Variants in SAMD12 observed in about 807,000 individuals in gnomAD.
SAMD12 encodes the protein sterile alpha motif domain containing 12, also known as sterile alpha motif domain-containing protein 12.
A neutral mutation model predicts 15.0 loss-of-function variants in SAMD12; 9 were observed. That is an observed-to-expected ratio of 0.60 (90% confidence interval 0.36 to 1.05). SAMD12 has a LOEUF of 1.05. SAMD12 is among the 50% of genes least tolerant of loss of function. The pLI is 0.01. For missense variants in SAMD12, 230 were observed against 234.2 expected, an observed-to-expected ratio of 0.98 and a Z score of 0.12; for synonymous variants, 86 against 90.1, an observed-to-expected ratio of 0.96 and a Z score of 0.25.
At chr8:118,194,401 AG>A (rs1291025082) in exon 5 of SAMD12, 1 of 152,152 alleles carries the variant, frequency 6.6e-6, no homozygotes, top group Non-Finnish European at 1.5e-5. Flanking sequence ...CTCTTCCCCT[AG>A]GTACGTCTCA....
At chr8:118,145,240 T>A in the SAMD12 span, among the ~76,000 whole-genome samples, 2 of 152,134 alleles carry the variant, frequency 1.3e-5, no homozygotes, top group Non-Finnish European at 2.9e-5. Context: ...GGGATTATCC[T>A]AAGGGGTAAA....
At chr8:118,522,676 C>A (rs976918044) in intron 2 of SAMD12, among the ~76,000 whole-genome samples, 3 of 152,128 alleles carry the variant, frequency 2.0e-5, no homozygotes, top group Admixed American at 1.3e-4. Flanking sequence ...ATTTGTTACA[C>A]TGAGAAACAA....
the SAMD12 span, among the ~76,000 whole-genome samples, chr8:118,148,758 A>T: frequency 5.8e-4 from 88 of 152,346 alleles, no homozygotes; most frequent in African/African-American, 2.1e-3. Flanking sequence ...CTTTCTGGAC[A>T]TTCCATACAG....
intron 2 of SAMD12, among the ~76,000 whole-genome samples, chr8:118,448,713 T>A (rs1165144946): frequency 6.6e-6 from 1 of 152,154 alleles, no homozygotes; most frequent in Non-Finnish European, 1.5e-5. Context: ...GACCCTCAAT[T>A]TTTTTCTTTT....
intron 4 of SAMD12, among the ~76,000 whole-genome samples, chr8:118,275,374 T>C (rs1321173821): frequency 1.3e-5 from 2 of 152,192 alleles, no homozygotes; most frequent in Non-Finnish European, 1.5e-5. Flanking sequence ...ATTTGAATAA[T>C]AGGTAATTTT....
intron 2 of SAMD12, among the ~76,000 whole-genome samples, chr8:118,579,772 A>T (rs1195898570): frequency 1.3e-5 from 2 of 152,198 alleles, no homozygotes; most frequent in African/African-American, 4.8e-5. Context: ...ATTGTCTTGC[A>T]GGGAATACAC....
intron 2 of SAMD12, among the ~76,000 whole-genome samples, chr8:118,545,233 G>A (rs777287467): frequency 8.5e-5 from 13 of 152,184 alleles, no homozygotes; most frequent in South Asian, 2.1e-4. Context: ...CTGGGAGGCC[G>A]AAGTAGGTGG....
rs1823727865 is a variant in SAMD12, at chr8:118,469,551, T to TA, written c.193-29591dup. Among the ~76,000 whole-genome samples the TA allele has an allele frequency of 8.5e-3, 2 of 234 alleles. 1 individual carries two copies. The highest frequency in any genetic ancestry group is 0.12 in the Admixed American group (2 of 16). 0.2% of individuals were successfully genotyped at this position (234 alleles called of 152,430 possible). On this transcript the variant is annotated intron_variant, in intron 2 of 3. Transcript: ENST00000314727. ...ATATATTATATATATTATATTATTA[T>TA]ATATAATATATTATATATGTATTTT...
At chr8:118,318,355 T>TATATACAC (rs1554630371) in intron 4 of SAMD12, among the ~76,000 whole-genome samples, 5 of 110,836 alleles carry the variant, frequency 4.5e-5, no homozygotes, top group African/African-American at 1.6e-4. Flanking sequence ...TATATATATA[T>TATATACAC]ACATATATAC....
intron 3 of SAMD12, among the ~76,000 whole-genome samples, chr8:118,427,767 G>A (rs559192917): frequency 2.4e-4 from 36 of 152,236 alleles, no homozygotes; most frequent in East Asian, 1.7e-3. Context: ...AAGAACATAC[G>A]TTTCCATTTC....
At chr8:118,529,576 C>T (rs559162110) in intron 2 of SAMD12, among the ~76,000 whole-genome samples, 3 of 152,250 alleles carry the variant, frequency 2.0e-5, no homozygotes, top group African/African-American at 7.2e-5. Flanking sequence ...TTGCCAGTGT[C>T]TATTATTCCA....
chr8:118,481,862 C>A (rs578043265), intron 2 of SAMD12, among the ~76,000 whole-genome samples: 1 of 152,178 alleles, frequency 6.6e-6, no homozygotes, highest in Admixed American at 6.5e-5. Context: ...GGAAGTGAGA[C>A]CTGCAGTTCG....
chr8:118,405,264 T>G (rs1261772548), intron 3 of SAMD12, among the ~76,000 whole-genome samples: 1 of 152,152 alleles, frequency 6.6e-6, no homozygotes, highest in African/African-American at 2.4e-5. Flanking sequence ...CCAGAAGTCA[T>G]GTACAAGAAA....
At chr8:118,487,596 G>A (rs1218799207) in intron 2 of SAMD12, among the ~76,000 whole-genome samples, 5 of 152,222 alleles carry the variant, frequency 3.3e-5, no homozygotes, top group Non-Finnish European at 1.5e-5. Context: ...GTTTTATTGA[G>A]CCTTTAACCT....
At chr8:118,149,256 T>C in the SAMD12 span, among the ~76,000 whole-genome samples, 252 of 152,312 alleles carry the variant, frequency 1.7e-3, 2 homozygotes, top group African/African-American at 5.7e-3. Context: ...CATGAGCCCA[T>C]TAGCAGTTCA....
intron 2 of SAMD12, among the ~76,000 whole-genome samples, chr8:118,458,721 G>A (rs1823328984): frequency 6.6e-6 from 1 of 152,148 alleles, no homozygotes; most frequent in Non-Finnish European, 1.5e-5. Flanking sequence ...TGCAAGCAAG[G>A]TAATGCCAAC....
chr8:118,571,261 G>A (rs1266529298), intron 2 of SAMD12, among the ~76,000 whole-genome samples: 2 of 152,162 alleles, frequency 1.3e-5, no homozygotes, highest in East Asian at 1.9e-4. Flanking sequence ...AAGAAGGCAG[G>A]AAAATGTGGG....
intron 2 of SAMD12, among the ~76,000 whole-genome samples, chr8:118,545,159 AC>A (rs1805113442): frequency 6.6e-6 from 1 of 152,204 alleles, no homozygotes; most frequent in Non-Finnish European, 1.5e-5. Context: ...AAACATGCAC[AC>A]ATATATTTTA....
intron 2 of SAMD12, among the ~76,000 whole-genome samples, chr8:118,460,300 T>C (rs1330611922): frequency 2.0e-5 from 3 of 152,248 alleles, no homozygotes; most frequent in Non-Finnish European, 2.9e-5. Context: ...GGAAGGTTCA[T>C]TTATTCAATT....
Sources: gnomAD v4.1 joint callset for allele counts (sites outside exome capture counted in the v4.1 genomes callset) on GRCh38, gnomAD v4.1.1 for gene constraint, MANE v1.5 for transcripts, NCBI Gene and HGNC (gene_info 2026-07-23, HGNC 2026-07-21) for gene names.